The following SDK2 variants were observed in gnomAD, a reference collection of about 807,000 sequenced individuals.
The protein encoded by SDK2 is sidekick cell adhesion molecule 2, also known as protein sidekick-2.
In SDK2, 105 loss-of-function variants were observed where a neutral mutation model predicts 253.9. The ratio of observed to expected loss-of-function variants is 0.41; its 90% CI spans 0.35 to 0.49. The LOEUF (loss-of-function observed/expected upper bound fraction) is 0.49, where lower values mean the gene tolerates loss of function less well. Among genes scored for constraint, SDK2 ranks in the 20% least tolerant of loss-of-function variants. The probability of loss-of-function intolerance (pLI) is 0.06; values close to 1 mark genes in which losing one functional copy is unlikely to be tolerated. For synonymous variants in SDK2, 1,249 were observed against 1,234.9 expected (o/e 1.01, Z -0.24); for missense variants, 2,608 against 3,003.0 (o/e 0.87, Z 3.07).
intron 1 of SDK2, among the ~76,000 whole-genome samples, chr17:73,631,629 T>A (rs2046271901): frequency 1.3e-5 from 2 of 152,204 alleles, no homozygotes; most frequent in African/African-American, 4.8e-5. Flanking sequence ...CCAGAAACCC[T>A]GGTGGGGGAC....
chr17:73,426,298 C>T (rs1831480424), intron 12 of SDK2, among the ~76,000 whole-genome samples: 1 of 146,682 alleles, frequency 6.8e-6, no homozygotes, highest in South Asian at 2.2e-4. Flanking sequence ...AACTCCTGAC[C>T]TCAGGTGATC....
chr17:73,528,700 CTT>C (rs942774686), intron 1 of SDK2, among the ~76,000 whole-genome samples: 21 of 152,344 alleles, frequency 1.4e-4, no homozygotes, highest in African/African-American at 4.8e-4. Context: ...TCTGTTGACT[CTT>C]TGACACTGCA....
chr17:73,521,802 C>A (rs1429205961), intron 1 of SDK2, among the ~76,000 whole-genome samples: 1 of 152,198 alleles, frequency 6.6e-6, no homozygotes, highest in Non-Finnish European at 1.5e-5. Flanking sequence ...CTGGCGCGTA[C>A]CAGGAAGTCC....
intron 1 of SDK2, among the ~76,000 whole-genome samples, chr17:73,516,330 G>T (rs1599640419): frequency 6.6e-6 from 1 of 152,300 alleles, no homozygotes; most frequent in Non-Finnish European, 1.5e-5. Flanking sequence ...GGCTGCTGTG[G>T]CCCTGTTCGG....
intron 1 of SDK2, among the ~76,000 whole-genome samples, chr17:73,558,224 C>T (rs1044537463): frequency 3.3e-5 from 5 of 152,348 alleles, no homozygotes; most frequent in East Asian, 3.9e-4. Flanking sequence ...GACCCCACAG[C>T]CTCACTGAGC....
rs1835700377 is a variant in SDK2 at position 73,643,296 on chromosome 17, G to A, written c.64+729C>T. Reference sequence around the variant, plus strand: ...GGTCACAGCAGCGAGCGGCTGCACAGACTATCGAGCGAACAGCGGAGGCTG... The same window carrying A: ...GGTCACAGCAGCGAGCGGCTGCACAAACTATCGAGCGAACAGCGGAGGCTG... On this transcript the variant is annotated intron_variant, in intron 1 of 44. Coordinates refer to ENST00000392650, the MANE Select transcript of SDK2 (RefSeq NM_001144952.2). This position sits in a 1 kb window ranked among gnomAD's most constrained non-coding sequence, Gnocchi z 6.9. Among the ~76,000 whole-genome samples, 2 of 152,198 alleles carry A rather than the reference G, an allele frequency of 1.3e-5. No individual in the cohort carries two copies. The highest frequency in any genetic ancestry group is 2.9e-5 in the Non-Finnish European group (2 of 68,018).
intron 4 of SDK2, among the ~76,000 whole-genome samples, chr17:73,454,507 G>A (rs774357861): frequency 3.3e-4 from 50 of 152,210 alleles, no homozygotes; most frequent in Non-Finnish European, 5.9e-4. Context: ...GGGTTGTTGT[G>A]AGGGTCATTC....
intron 1 of SDK2, among the ~76,000 whole-genome samples, chr17:73,561,619 G>C (rs2045235474): frequency 1.3e-5 from 2 of 152,322 alleles, no homozygotes; most frequent in Non-Finnish European, 2.9e-5. Flanking sequence ...CTGAGGTCTG[G>C]CCTCTGGTGG....
intron 1 of SDK2, among the ~76,000 whole-genome samples, chr17:73,524,376 T>C (rs1314204944): frequency 3.9e-5 from 6 of 152,190 alleles, no homozygotes; most frequent in African/African-American, 1.4e-4. Context: ...ACCCTTCTTT[T>C]TCTGTTGCCT....
intron 1 of SDK2, among the ~76,000 whole-genome samples, chr17:73,561,839 T>C (rs958215023): frequency 6.6e-6 from 1 of 152,024 alleles, no homozygotes; most frequent in Admixed American, 6.6e-5. Flanking sequence ...ATAAATAACA[T>C]TGTAGGCCAA....
intron 8 of SDK2, among the ~76,000 whole-genome samples, chr17:73,436,557 A>G (rs552000592): frequency 6.8e-6 from 1 of 148,148 alleles, no homozygotes; most frequent in Admixed American, 6.8e-5. Context: ...AGCCTGGGCA[A>G]CAGAGTGAGA....
At chr17:73,587,232 T>A (rs760995869) in intron 1 of SDK2, among the ~76,000 whole-genome samples, 3 of 152,034 alleles carry the variant, frequency 2.0e-5, no homozygotes, top group Non-Finnish European at 2.9e-5. Context: ...CTAGGCAAAA[T>A]CAGCTCAGCT....
chr17:73,505,205 C>T (rs1019487404), intron 2 of SDK2, among the ~76,000 whole-genome samples: 2 of 152,216 alleles, frequency 1.3e-5, no homozygotes, highest in Non-Finnish European at 2.9e-5. Flanking sequence ...AGCAATCCTT[C>T]TTCAATGAGA....
intron 1 of SDK2, among the ~76,000 whole-genome samples, chr17:73,595,879 G>A (rs989017005): frequency 6.6e-6 from 1 of 152,208 alleles, no homozygotes; most frequent in Non-Finnish European, 1.5e-5. Context: ...ATCCTGTGGG[G>A]CTCCCTGCTG....
rs1265599490 is a variant in SDK2 at position 73,509,849 on chromosome 17, G to A, written c.65-2252C>T. Among the ~76,000 whole-genome samples the A allele has an allele frequency of 2.4e-5, 3 of 126,544 alleles. No individual in the cohort carries two copies. The Admixed American group carries it at 2.8e-4, about 12-fold the overall frequency. 83.0% of individuals were successfully genotyped at this position (126,544 alleles called of 152,430 possible). On this transcript the variant is annotated intron_variant, in intron 1 of 44. Transcript: ENST00000392650. ...CAGGAGGCGGAGGTTGCAGTGAGCCGAGATCGTGCCACTGCACTCCAGCCT... is the reference window on the plus strand; with the variant it reads ...CAGGAGGCGGAGGTTGCAGTGAGCCAAGATCGTGCCACTGCACTCCAGCCT...
chr17:73,398,505 C>T, intron 22 of SDK2, 76 bp from the exon 23 acceptor site: 2 of 1,297,324 alleles, frequency 1.5e-6, no homozygotes, highest in Non-Finnish European at 2.2e-6. Context: ...AGTACAAGCC[C>T]TGCCAGGGAA....
rs534448837 is a variant in SDK2 at position 73,548,414 on chromosome 17, C to T, written c.65-40817G>A. ...CCCCGAGTGGGTCCTCCTGTCCACA[C>T]AGCATCAAACCCTGCTTTCCTGCTG... On this transcript the variant is annotated intron_variant, in intron 1 of 44. Transcript: ENST00000392650. Among the ~76,000 whole-genome samples the T allele has an allele frequency of 7.2e-5, 11 of 152,376 alleles. No individual in the cohort carries two copies. In the South Asian group the frequency reaches 1.4e-3, roughly 20 times the overall value.
chr17:73,497,446 T>C (rs2145739445), intron 2 of SDK2, among the ~76,000 whole-genome samples: 1 of 152,260 alleles, frequency 6.6e-6, no homozygotes, highest in East Asian at 1.9e-4. Flanking sequence ...GAGTCCTAAA[T>C]TAATATCTTC....
In SDK2 at chr17:73,472,192, G is replaced by C; in HGVS notation, c.251C>G (p.Thr84Ser). The C allele has an allele frequency of 6.4e-7, 1 of 1,551,672 alleles. No homozygotes were observed. Among genetic ancestry groups the C allele is most frequent in the Non-Finnish European group, 8.7e-7 (1 of 1,146,948 alleles). Residue 84 changes from threonine to serine, a missense_variant, in exon 3 of 45, where the codon ACC (threonine) becomes AGC (serine). By Grantham distance (58) the Thr-to-Ser change is moderately conservative (BLOSUM62 1). Transcript: ENST00000392650. ...GATGCAACGGTAAAAGCCAGCGTGG[G>C]TGCGGTCCAGGCTGGTGATCATGTA... ...YRYMITSLDRTHAGFYRCIVR... is the reference protein window; with the variant it reads ...YRYMITSLDRSHAGFYRCIVR...
Sources: gnomAD v4.1 joint callset for allele counts (sites outside exome capture counted in the v4.1 genomes callset) on GRCh38, gnomAD v4.1.1 for gene constraint, Gnocchi (gnomAD v3.1) non-coding constraint, MANE v1.5 for transcripts, NCBI Gene and HGNC (gene_info 2026-07-23, HGNC 2026-07-21) for gene names.